The following TLN2 variants were observed in gnomAD, a reference collection of about 807,000 sequenced individuals.
TLN2 encodes the protein talin 2.
In TLN2, 118 loss-of-function variants were observed where a neutral mutation model predicts 294.7. That is an observed-to-expected ratio of 0.40 (90% confidence interval 0.34 to 0.47). The LOEUF is 0.47. TLN2 is among the 20% of genes least tolerant of loss of function. The probability of loss-of-function intolerance (pLI) is 0.84; values close to 1 mark genes in which losing one functional copy is unlikely to be tolerated. For missense variants in TLN2, 3,083 were observed against 3,282.2 expected (o/e 0.94, Z 1.48); for synonymous variants, 1,431 against 1,304.5 (o/e 1.10, Z -2.09).
chr15:62,645,960 G>C (rs568977867), intron 3 of TLN2, among the ~76,000 whole-genome samples: 1 of 152,254 alleles, frequency 6.6e-6, no homozygotes, highest in Non-Finnish European at 1.5e-5. Flanking sequence ...ATTTGATAGA[G>C]ACTGGCTTGG....
chr15:62,800,276 G>A (rs1008356631), intron 48 of TLN2, 92 bp from the exon 49 acceptor site: 90 of 1,535,386 alleles, frequency 5.9e-5, no homozygotes, highest in Non-Finnish European at 7.3e-5. Flanking sequence ...CTCCTCCCCC[G>A]TGCCCTGGCC....
intron 1 of TLN2, among the ~76,000 whole-genome samples, chr15:62,586,026 GAGGTTA>G (rs201505757): frequency 0.16 from 24,085 of 152,184 alleles, 2,373 homozygotes; most frequent in East Asian, 0.38. Flanking sequence ...GAGGCACAGA[GAGGTTA>G]AGGCATACCA....
rs546678440 is a variant in TLN2, at chr15:62,399,256, CAAAAAAAA to C, written c.-238+8593_-238+8600del. Among the ~76,000 whole-genome samples the C allele has an allele frequency of 4.7e-3, 275 of 58,436 alleles. 1 individual carries two copies. The highest frequency in any genetic ancestry group is 0.05 in the Middle Eastern group (2 of 40). 38.3% of individuals were successfully genotyped at this position (58,436 alleles called of 152,430 possible). A position where few individuals can be genotyped will look rare whatever the true frequency, so the allele number is the denominator to read the frequency against. ...TGACAGAGCGAGACTCCGTCTCAAA[CAAAAAAAA>C]AAAAAAAAAAAAAAAAAAAAAGTAA... On this transcript the variant is annotated intron_variant, in intron 1 of 58. Coordinates refer to ENST00000636159, the MANE Select transcript of TLN2 (RefSeq NM_015059.3).
At chr15:62,644,624 T>C in intron 3 of TLN2, 2 of 456,040 alleles carry the variant, frequency 4.4e-6, no homozygotes, top group Non-Finnish European at 8.8e-6. Context: ...TGAGCCTCTC[T>C]CCTGTGCACC....
At position 62,642,469 on chromosome 15, in the gene TLN2, C is replaced by G. The variant is rs144752383; in HGVS notation, c.-36-4806C>G. Among the ~76,000 whole-genome samples the G allele has an allele frequency of 2.8e-3, 427 of 152,288 alleles. 3 individuals are homozygous for G. The highest frequency in any genetic ancestry group is 0.01 in the African/African-American group (419 of 41,554). ...GGGTTCGGGTGCAGAAGAGTAGACG[C>G]CAGGACCAGTTGCAGGCTTTGCTGC... On this transcript the variant is annotated intron_variant, in intron 3 of 58. Coordinates refer to ENST00000636159, the MANE Select transcript of TLN2 (RefSeq NM_015059.3).
Position 62,425,280 on chromosome 15 carries a change from G to T in TLN2, c.-238+34595G>T, listed in dbSNP as rs549554502. ...TATTTGTCTTAAAAGCTTCCCAGGT[G>T]ATTCTAATGTGCTGCTGCTAGGGGA... On this transcript the variant is annotated intron_variant, in intron 1 of 58. Transcript: ENST00000636159. Among the ~76,000 whole-genome samples, 13 of 152,182 alleles carry T rather than the reference G, an allele frequency of 8.5e-5. No individual in the cohort carries two copies. In the South Asian group the frequency reaches 2.7e-3, roughly 32 times the overall value.
At chr15:62,821,430 A>G (rs2067556368) in intron 54 of TLN2, among the ~76,000 whole-genome samples, 1 of 152,210 alleles carries the variant, frequency 6.6e-6, no homozygotes, top group African/African-American at 2.4e-5. Context: ...TTTTCCCCTC[A>G]AAAAAGGGCT....
intron 1 of TLN2, among the ~76,000 whole-genome samples, chr15:62,432,071 G>A (rs75704599): frequency 0.014 from 2,075 of 152,228 alleles, 46 homozygotes; most frequent in African/African-American, 0.047. Flanking sequence ...GCCTCGTCCT[G>A]GTGTAATAGC....
chr15:62,527,043 G>A (rs2040777563), intron 1 of TLN2, among the ~76,000 whole-genome samples: 1 of 152,186 alleles, frequency 6.6e-6, no homozygotes, highest in African/African-American at 2.4e-5. Flanking sequence ...AAAGAGACAT[G>A]ACGTCGAGCT....
intron 18 of TLN2, among the ~76,000 whole-genome samples, chr15:62,702,515 C>T (rs760586498): frequency 6.6e-6 from 1 of 152,236 alleles, no homozygotes; most frequent in Non-Finnish European, 1.5e-5. Flanking sequence ...GCATCACCTT[C>T]TTACCAAATG....
rs755840257 is a variant in TLN2 at position 62,675,232 on chromosome 15, G to A, written c.868G>A (p.Gly290Arg). The change falls in exon 11 of 59, where the codon GGA becomes AGA. Residue 290 changes from glycine (G) to arginine (R), a missense_variant. Coordinates refer to ENST00000636159, the MANE Select transcript of TLN2 (RefSeq NM_015059.3). Reference sequence around the variant, plus strand: ...ACTTTTGCAGGAGCATAAGAACTGCGGAGAGATGAGTGAGATAGAAGCCAA... The same window carrying A: ...ACTTTTGCAGGAGCATAAGAACTGCAGAGAGATGAGTGAGATAGAAGCCAA... ...KRIFQEHKNC[G>R]EMSEIEAKVK... The A allele has an allele frequency of 1.2e-5, 19 of 1,614,226 alleles. No homozygotes were observed. The Admixed American group carries it at 1.3e-4, about 11-fold the overall frequency.
At chr15:62,609,146 A>G (rs745520124) in intron 2 of TLN2, among the ~76,000 whole-genome samples, 4 of 152,140 alleles carry the variant, frequency 2.6e-5, no homozygotes, top group Admixed American at 6.5e-5. Flanking sequence ...TCTATGTTAC[A>G]CAGCCTTAAA....
At chr15:62,709,504 C>G (rs1281093763) in intron 21 of TLN2, among the ~76,000 whole-genome samples, 2 of 152,114 alleles carry the variant, frequency 1.3e-5, no homozygotes, top group Non-Finnish European at 1.5e-5. Flanking sequence ...TGTGCAGTCT[C>G]TAAATTGGCC....
intron 1 of TLN2, among the ~76,000 whole-genome samples, chr15:62,581,060 A>G (rs898041768): frequency 1.3e-5 from 2 of 151,136 alleles, no homozygotes; most frequent in South Asian, 2.1e-4. Context: ...ATTTTTGTAT[A>G]TTTAGTAGAG....
intron 1 of TLN2, chr15:62,561,283 C>A (rs1274564874): frequency 6.6e-6 from 1 of 152,236 alleles, no homozygotes; most frequent in African/African-American, 2.4e-5. Flanking sequence ...AATCTCTGGT[C>A]TGATTACACA....
chr15:62,813,817 CTT>C (rs56933837), intron 52 of TLN2, among the ~76,000 whole-genome samples: 41 of 144,046 alleles, frequency 2.8e-4, no homozygotes, highest in Non-Finnish European at 2.4e-4. Flanking sequence ...TGCATATGGG[CTT>C]TTTTTTTTTT....
At chr15:62,693,193 G>A (rs1338594574) in intron 13 of TLN2, among the ~76,000 whole-genome samples, 3 of 152,142 alleles carry the variant, frequency 2.0e-5, no homozygotes, top group Admixed American at 1.3e-4. Flanking sequence ...TTAGCCGGGC[G>A]TGGTGGCAGG....
At position 62,803,750 on chromosome 15, in the gene TLN2, T is replaced by A. The variant is rs1353465998; in HGVS notation, c.6478-1850T>A. On this transcript the variant is annotated intron_variant, in intron 50 of 58. Coordinates refer to ENST00000636159, the MANE Select transcript of TLN2 (RefSeq NM_015059.3). ...TCTGAGTTTCCTCAGCACAGCTCTTTTGAATTCTTTGTCTGAAAGGTCACA... is the reference window on the plus strand; with the variant it reads ...TCTGAGTTTCCTCAGCACAGCTCTTATGAATTCTTTGTCTGAAAGGTCACA... Among the ~76,000 whole-genome samples, 5 of 152,246 alleles carry A rather than the reference T, an allele frequency of 3.3e-5. No individual in the cohort carries two copies. In the East Asian group the frequency reaches 9.6e-4, roughly 29 times the overall value.
At chr15:62,685,566 T>C (rs1051473835) in intron 11 of TLN2, among the ~76,000 whole-genome samples, 7 of 152,228 alleles carry the variant, frequency 4.6e-5, no homozygotes, top group African/African-American at 1.7e-4. Flanking sequence ...TTTTCCCCCA[T>C]GAAGGCTTTG....
Sources: allele counts gnomAD v4.1 joint callset (sites outside exome capture counted in the v4.1 genomes callset), GRCh38; gene constraint gnomAD v4.1.1; transcripts MANE v1.5; gene names NCBI Gene and HGNC (gene_info 2026-07-23, HGNC 2026-07-21).